Variants in GYS2 observed in about 807,000 individuals in gnomAD.
GYS2 encodes glycogen [starch] synthase, liver.
In GYS2, 80 loss-of-function variants were observed where a neutral mutation model predicts 85.6. The observed-to-expected ratio is 0.93, with a 90% CI of 0.78 to 1.13. The LOEUF (loss-of-function observed/expected upper bound fraction) is 1.13. Ranked by LOEUF, GYS2 falls within the 50% of genes most tolerant of loss-of-function variation. The pLI, the probability that GYS2 is intolerant of heterozygous loss-of-function variation, is 0.00. For missense variants in GYS2, 881 were observed against 854.9 expected (o/e 1.03, Z -0.38); for synonymous variants, 328 against 300.7 (o/e 1.09, Z -0.94).
In GYS2 at chr12:21,545,934, T is replaced by C. The variant is rs1476761348; in HGVS notation, c.1549+410A>G. ...CATTAAATTTTAAAAAGAATTATTC[T>C]AAAATAATTTTTAAAGAACAACATT... On this transcript the variant is annotated intron_variant, in intron 12 of 15. Coordinates refer to ENST00000261195, the MANE Select transcript of GYS2 (RefSeq NM_021957.4). Among the ~76,000 whole-genome samples, 9 of 152,332 alleles carry C rather than the reference T, an allele frequency of 5.9e-5. No individual in the cohort carries two copies. In the East Asian group the frequency reaches 1.5e-3, roughly 26 times the overall value.
At chr12:21,596,846 A>C (rs1944702275) in intron 1 of GYS2, among the ~76,000 whole-genome samples, 2 of 152,166 alleles carry the variant, frequency 1.3e-5, no homozygotes, top group South Asian at 4.1e-4. Context: ...TTTACCTTTA[A>C]AACCCTAAAG....
rs1056696024 is a variant in GYS2, at chr12:21,540,510, A to G, written c.1709T>C (p.Phe570Ser). The change falls in exon 14 of 16, where the codon TTT (phenylalanine) becomes TCT (serine). Residue 570 changes from phenylalanine (F) to serine (S), a missense_variant. By Grantham distance (155) the Phe-to-Ser change is radical (BLOSUM62 -2). Coordinates refer to ENST00000261195, the MANE Select transcript of GYS2 (RefSeq NM_021957.4). The part of the protein sequence containing the change: ...PDDSCNQLTK[F>S]LYGFCKQSRR... ...TGACTGTTTGCAAAATCCATAGAGA[A>G]ACTTAGTCAGCTGATTGCAAGAATC... is the stretch of plus-strand genomic sequence containing the variant. 39 of 1,613,826 alleles carry G rather than the reference A, an allele frequency of 2.4e-5. No homozygotes were observed. The highest frequency in any genetic ancestry group is 2.6e-5 in the Non-Finnish European group (31 of 1,179,868).
intron 11 of GYS2, among the ~76,000 whole-genome samples, chr12:21,551,797 A>T (rs1944113918): frequency 6.6e-6 from 1 of 152,186 alleles, no homozygotes. Flanking sequence ...AAAGACACAG[A>T]TACTGTATCT....
At chr12:21,581,444 C>T (rs1188473690) in intron 1 of GYS2, among the ~76,000 whole-genome samples, 1 of 152,108 alleles carries the variant, frequency 6.6e-6, no homozygotes, top group African/African-American at 2.4e-5. Flanking sequence ...GTCATGTACC[C>T]CCTTAGAGTT....
intron 1 of GYS2, among the ~76,000 whole-genome samples, chr12:21,603,552 A>G (rs767509444): frequency 2.6e-5 from 4 of 152,116 alleles, no homozygotes; most frequent in African/African-American, 4.8e-5. Flanking sequence ...AGTAAACACA[A>G]AATGAAAAAT....
intron 1 of GYS2, among the ~76,000 whole-genome samples, chr12:21,598,544 T>C (rs1944720854): frequency 6.6e-6 from 1 of 152,126 alleles, no homozygotes; most frequent in African/African-American, 2.4e-5. Flanking sequence ...TGCTATAGTT[T>C]ACCTCAGTTT....
chr12:21,551,898 C>T (rs2136861305), intron 11 of GYS2, among the ~76,000 whole-genome samples: 1 of 152,272 alleles, frequency 6.6e-6, no homozygotes, highest in South Asian at 2.1e-4. Context: ...TTTAGCGTTT[C>T]CAAGCTTAGG....
intron 9 of GYS2, 52 bp from the exon 10 acceptor site, chr12:21,559,221 A>G: frequency 3.3e-6 from 3 of 916,710 alleles, no homozygotes; most frequent in Non-Finnish European, 5.4e-6. Flanking sequence ...GCACTAATTC[A>G]GTGATTCCTA....
At chr12:21,534,710 A>G (rs575850168), downstream of GYS2, among the ~76,000 whole-genome samples, 58 of 152,334 alleles carry the variant, frequency 3.8e-4, no homozygotes, top group African/African-American at 1.3e-3. Flanking sequence ...AGGAGCACCT[A>G]TATATGAATT....
In GYS2 at chr12:21,604,478, T is replaced by C. The variant is rs765703616; in HGVS notation, c.115A>G (p.Asn39Asp). The C allele has an allele frequency of 2.5e-6, 4 of 1,603,154 alleles. No individual in the cohort carries two copies. The Admixed American group carries it at 5.0e-5, about 20-fold the overall frequency. ...CTTCAGGAGCAGTACAAACCTTTAT[T>C]GGTCACTTCCCAAGCAACTTCAAAG... ...LLFEVAWEVT[N>D]KVGGIYTVIQ... The change falls in exon 1 of 16, where the codon AAT becomes GAT. Residue 39 changes from asparagine to aspartate, a missense_variant. Transcript: ENST00000261195.
At chr12:21,542,225 T>A (rs1943985466) in intron 13 of GYS2, among the ~76,000 whole-genome samples, 1 of 152,186 alleles carries the variant, frequency 6.6e-6, no homozygotes, top group African/African-American at 2.4e-5. Context: ...TTTTTTTGTA[T>A]TTTTAGTAGA....
At chr12:21,547,677 A>G (rs924111460) in intron 11 of GYS2, among the ~76,000 whole-genome samples, 1 of 152,150 alleles carries the variant, frequency 6.6e-6, no homozygotes, top group African/African-American at 2.4e-5. Context: ...ACTATTCTGT[A>G]TCATACTATG....
Position 21,542,536 on chromosome 12 carries a change from G to A in GYS2, c.1605C>T (p.Gly535=). ...PSVTTNLSGF[G]CFMQEHVADP... ...CAGCCACGTGCTCCTGCATGAAACA[G>A]CCAAACCCGGAGAGATTCGTGGTCA... Residue 535 remains glycine (G), a synonymous_variant, in exon 13 of 16, where the codon GGC becomes GGT. Transcript: ENST00000261195. The A allele has an allele frequency of 1.9e-6, 3 of 1,613,660 alleles. No homozygotes were observed. The highest frequency in any genetic ancestry group is 1.7e-4 in the Middle Eastern group (1 of 6,060).
intron 9 of GYS2, among the ~76,000 whole-genome samples, chr12:21,559,449 A>G (rs1944224556): frequency 6.6e-6 from 1 of 152,196 alleles, no homozygotes. Flanking sequence ...TTGCCTGCAT[A>G]TAAATGTATT....
chr12:21,548,525 G>T (rs931022805), intron 11 of GYS2, among the ~76,000 whole-genome samples: 16 of 152,092 alleles, frequency 1.1e-4, no homozygotes, highest in Admixed American at 1.0e-3. Flanking sequence ...TAATATAGTT[G>T]ACTTATTTTA....
At chr12:21,564,328 G>A (rs1356944044) in intron 5 of GYS2, among the ~76,000 whole-genome samples, 1 of 152,088 alleles carries the variant, frequency 6.6e-6, no homozygotes, top group Non-Finnish European at 1.5e-5. Context: ...CTACTGGGGA[G>A]GCTGAGCCAG....
At chr12:21,542,866 A>G (rs879863247) in intron 12 of GYS2, among the ~76,000 whole-genome samples, 2 of 152,204 alleles carry the variant, frequency 1.3e-5, no homozygotes, top group Non-Finnish European at 2.9e-5. Flanking sequence ...TTCGTGGTAT[A>G]GCTGGGATTT....
At chr12:21,542,723 T>C in intron 12 of GYS2, 132 bp from the exon 13 acceptor site, 2 of 700,922 alleles carry the variant, frequency 2.9e-6, no homozygotes, top group Non-Finnish European at 2.7e-6. Context: ...AACACTAAAC[T>C]CTTTACATGT....
At chr12:21,597,282 G>A (rs898905051) in intron 1 of GYS2, among the ~76,000 whole-genome samples, 4 of 152,056 alleles carry the variant, frequency 2.6e-5, no homozygotes, top group Non-Finnish European at 5.9e-5. Flanking sequence ...GCTGTTGAAT[G>A]CGAGAAAATA....
Sources: allele counts gnomAD v4.1 joint callset (sites outside exome capture counted in the v4.1 genomes callset), GRCh38; gene constraint gnomAD v4.1.1; transcripts MANE v1.5; gene names NCBI Gene and HGNC (gene_info 2026-07-23, HGNC 2026-07-21).